Variants in BRCA2 observed in about 807,000 individuals in gnomAD.
The protein encoded by BRCA2 is breast cancer type 2 susceptibility protein.
A neutral mutation model predicts 276.7 loss-of-function variants in BRCA2; 203 were observed. The observed-to-expected ratio is 0.73, with a 90% CI of 0.65 to 0.82. BRCA2 has a LOEUF of 0.82. Among genes scored for constraint, BRCA2 ranks in the 40% least tolerant of loss-of-function variants. The pLI, the probability that BRCA2 is intolerant of heterozygous loss-of-function variation, is 0.00. For synonymous variants in BRCA2, 1,289 were observed against 1,338.4 expected (o/e 0.96, Z 0.81); for missense variants, 3,920 against 3,915.0 (o/e 1.00, Z -0.03).
chr13:32,329,379 G>T lies in BRCA2; in HGVS notation c.632-64G>T. 2.5e-6 allele frequency: 3 copies of T among 1,198,104 alleles called. No individual in the cohort carries two copies. The South Asian group carries it at 4.0e-5, about 16-fold the overall frequency. The allele number at this position is 1,198,104 out of a possible 1,614,324, so 74.2% of individuals were successfully genotyped here. A position where few individuals can be genotyped will look rare whatever the true frequency, so the allele number is the denominator to read the frequency against. ...ATAGTAGATGTGCTTTTTGATGTCT[G>T]ACAAAAAATAAGTTTTTGCATTCTA... On this transcript the variant is annotated intron_variant, in intron 7 of 26. Transcript: ENST00000380152.
At chr13:32,335,998 C>T (rs2072445051) in intron 10 of BRCA2, among the ~76,000 whole-genome samples, 2 of 152,222 alleles carry the variant, frequency 1.3e-5, no homozygotes, top group South Asian at 2.1e-4. Context: ...CCTTGCACCT[C>T]ACCCTCCTGA....
chr13:32,337,250 G>C lies in BRCA2; in HGVS notation c.2895G>C (p.Met965Ile), dbSNP rs1555282929. The change falls in exon 11 of 27, where the codon ATG becomes ATC. Residue 965 changes from methionine to isoleucine, a missense_variant. Transcript: ENST00000380152. Reference protein sequence around the residue: ...NKNSVKQHIKMTLGQDLKSDI... With the variant: ...NKNSVKQHIKITLGQDLKSDI... ...ATAGTGTAAAGCAGCATATAAAAAT[G>C]ACTCTAGGTCAAGATTTAAAATCGG... 1 of 1,611,688 alleles carries C rather than the reference G, an allele frequency of 6.2e-7. No homozygotes were observed. Among genetic ancestry groups the C allele is most frequent in the South Asian group, 1.1e-5 (1 of 90,450 alleles).
At chr13:32,334,126 G>A (rs1438227054) in intron 10 of BRCA2, among the ~76,000 whole-genome samples, 1 of 152,106 alleles carries the variant, frequency 6.6e-6, no homozygotes, top group Non-Finnish European at 1.5e-5. Context: ...CTTCCTTTGG[G>A]TATATACCCC....
chr13:32,372,561 G>T (rs903219189), intron 20 of BRCA2, among the ~76,000 whole-genome samples: 6 of 152,068 alleles, frequency 3.9e-5, no homozygotes. Flanking sequence ...ACTAGCACAA[G>T]AATAGCATGG....
chr13:32,348,078 G>T (rs1461152771), intron 13 of BRCA2, among the ~76,000 whole-genome samples: 1 of 151,906 alleles, frequency 6.6e-6, no homozygotes, highest in South Asian at 2.1e-4. Context: ...AGAACAAGTT[G>T]CTATAAAAAG....
chr13:32,370,762 T>G (rs1298536304), intron 19 of BRCA2, among the ~76,000 whole-genome samples, 194 bp from the exon 20 acceptor site: 2 of 152,058 alleles, frequency 1.3e-5, no homozygotes, highest in Non-Finnish European at 2.9e-5. Flanking sequence ...CCTGGCTAAT[T>G]TTGTATTTTT....
chr13:32,397,404 A>G (rs1476456532), intron 26 of BRCA2, among the ~76,000 whole-genome samples: 4 of 152,220 alleles, frequency 2.6e-5, no homozygotes, highest in Admixed American at 1.3e-4. Flanking sequence ...AGTCTTTAAC[A>G]TTGGCTAATG....
At position 32,339,261 on chromosome 13, in the gene BRCA2, A is replaced by G. The variant is rs398122788; in HGVS notation, c.4906A>G (p.Lys1636Glu). The G allele has an allele frequency of 3.1e-6, 5 of 1,612,200 alleles. No individual in the cohort carries two copies. The Admixed American group carries it at 8.4e-5, about 27-fold the overall frequency. The change falls in exon 11 of 27, where the codon AAA becomes GAA. Residue 1636 changes from lysine to glutamate, a missense_variant. Physicochemically the swap from Lys to Glu is moderately conservative, Grantham distance 56 (BLOSUM62 1). Around this residue, in one of 2 missense-constraint regions of BRCA2, gnomAD observed 3,263 missense variants for 3,156.9 expected, o/e 1.03. Transcript: ENST00000380152. Reference sequence around the variant, plus strand: ...CAAAACATCAAAAAGTATCTTTTTGAAAGTTAAAGTACATGAAAATGTAGA... The same window carrying G: ...CAAAACATCAAAAAGTATCTTTTTGGAAGTTAAAGTACATGAAAATGTAGA... Reference protein sequence around the residue: ...NLKTSKSIFLKVKVHENVEKE... With the variant: ...NLKTSKSIFLEVKVHENVEKE...
rs80358867 is a variant in BRCA2 at position 32,340,648 on chromosome 13, C to T, written c.6293C>T (p.Ser2098Phe). The T allele has an allele frequency of 2.1e-5, 33 of 1,607,276 alleles. No homozygotes were observed. The highest frequency in any genetic ancestry group is 8.1e-5 in the African/African-American group (6 of 74,322). ...CATAGTCTTCACTATTCACCTACGT[C>T]TAGACAAAATGTATCAAAAATACTT... The part of the protein sequence containing the change: ...TEHSLHYSPT[S>F]RQNVSKILPR... Residue 2098 changes from serine to phenylalanine, a missense_variant, in exon 11 of 27, where the codon TCT becomes TTT. Transcript: ENST00000380152.
In BRCA2 at chr13:32,344,666, T is replaced by G. The variant is rs587780868; in HGVS notation, c.6937+13T>G. ...AGCACTCCAGATGGTAAAATTAGCTTTTTATTTATATCTGTTCTCCCTCTA... is the reference window on the plus strand; with the variant it reads ...AGCACTCCAGATGGTAAAATTAGCTGTTTATTTATATCTGTTCTCCCTCTA... On this transcript the variant is annotated intron_variant, in intron 12 of 26. Coordinates refer to ENST00000380152, the MANE Select transcript of BRCA2 (RefSeq NM_000059.4). 2 of 1,510,504 alleles carry G rather than the reference T, an allele frequency of 1.3e-6. No homozygotes were observed. Among genetic ancestry groups the G allele is most frequent in the African/African-American group, 2.8e-5 (2 of 72,676 alleles). 93.6% of individuals were successfully genotyped at this position (1,510,504 alleles called of 1,614,324 possible).
At chr13:32,330,520 A>G (rs1256299261) in intron 8 of BRCA2, among the ~76,000 whole-genome samples, 1 of 152,210 alleles carries the variant, frequency 6.6e-6, no homozygotes, top group African/African-American at 2.4e-5. Context: ...GAACACAAGC[A>G]CTGTGGTACC....
rs1060502467 is a variant in BRCA2, at chr13:32,398,267, T to A, written c.9754T>A (p.Ser3252Thr). ...TGTCTCAGCCCAGATGACTTCAAAG[T>A]CTTGTAAAGGGGAGAAAGAGATTGA... ...TPVSAQMTSK[S>T]CKGEKEIDDQ... The change falls in exon 27 of 27, where the codon TCT becomes ACT. Residue 3252 changes from serine to threonine, a missense_variant. Around this residue, in one of 2 missense-constraint regions of BRCA2, gnomAD observed 657 missense variants for 758.2 expected, o/e 0.87. Coordinates refer to ENST00000380152, the MANE Select transcript of BRCA2 (RefSeq NM_000059.4). The A allele has an allele frequency of 6.2e-7, 1 of 1,614,018 alleles. No homozygotes were observed.
rs56331088 is a variant in BRCA2, at chr13:32,336,845, C to G, written c.2490C>G (p.Asn830Lys). Residue 830 changes from asparagine (N) to lysine (K), a missense_variant, in exon 11 of 27, where the codon AAC becomes AAG. Physicochemically the swap from Asn to Lys is moderately conservative, Grantham distance 94. This residue lies in a region of BRCA2 where 3,263 missense variants were observed against 3,156.9 expected (regional missense o/e 1.03). Coordinates refer to ENST00000380152, the MANE Select transcript of BRCA2 (RefSeq NM_000059.4). The stretch of plus-strand genomic sequence containing the variant: ...GTGCTTTAAATGAAAATTATAAAAA[C>G]GTTGAGCTGTTGCCACCTGAAAAAT... ...DVCALNENYKNVELLPPEKYM... is the reference protein window; with the variant it reads ...DVCALNENYKKVELLPPEKYM... 2 of 1,605,130 alleles carry G rather than the reference C, an allele frequency of 1.2e-6. No individual in the cohort carries two copies. Among genetic ancestry groups the G allele is most frequent in the African/African-American group, 2.7e-5 (2 of 74,198 alleles).
In BRCA2 at chr13:32,394,809, A is replaced by G. The variant is rs397507426; in HGVS notation, c.9377A>G (p.Gln3126Arg). ...PHMLIAASNL[Q>R]WRPESKSGLL... ...ATGTTAATTGCTGCAAGCAACCTCC[A>G]GTGGCGACCAGAATCCAAATCAGGC... Residue 3126 changes from glutamine to arginine, a missense_variant, in exon 25 of 27, where the codon CAG becomes CGG. Gln to Arg is a conservative substitution (Grantham distance 43). This residue lies in a region of BRCA2 where 657 missense variants were observed against 758.2 expected (regional missense o/e 0.87). Coordinates refer to ENST00000380152, the MANE Select transcript of BRCA2 (RefSeq NM_000059.4). The G allele has an allele frequency of 2.5e-6, 4 of 1,614,144 alleles. No individual in the cohort carries two copies. The highest frequency in any genetic ancestry group is 3.4e-6 in the Non-Finnish European group (4 of 1,179,996).
At position 32,340,276 on chromosome 13, in the gene BRCA2, C is replaced by T. The variant is rs55730620; in HGVS notation, c.5921C>T (p.Thr1974Ile). Reference protein sequence around the residue: ...KLHKSVSSANTCGIFSTASGK... With the variant: ...KLHKSVSSANICGIFSTASGK... ...CATAAGTCAGTCTCATCTGCAAATA[C>T]TTGTGGGATTTTTAGCACAGCAAGT... The change falls in exon 11 of 27, where the codon ACT becomes ATT. Residue 1974 changes from threonine to isoleucine, a missense_variant. This residue lies in a region of BRCA2 where 3,263 missense variants were observed against 3,156.9 expected (regional missense o/e 1.03). Coordinates refer to ENST00000380152, the MANE Select transcript of BRCA2 (RefSeq NM_000059.4). 3.1e-6 allele frequency: 5 copies of T among 1,613,854 alleles called. No homozygotes were observed. The African/African-American group carries it at 5.3e-5, about 17-fold the overall frequency.
chr13:32,320,888 C>T (rs1445979598), intron 3 of BRCA2, among the ~76,000 whole-genome samples: 3 of 152,120 alleles, frequency 2.0e-5, no homozygotes, highest in African/African-American at 7.2e-5. Context: ...CTAGACTGCT[C>T]ATTGAAAGGA....
intron 24 of BRCA2, among the ~76,000 whole-genome samples, chr13:32,393,153 TCTC>T (rs1375498926): frequency 6.6e-6 from 1 of 152,230 alleles, no homozygotes; most frequent in Non-Finnish European, 1.5e-5. Context: ...CTGCTGGGTT[TCTC>T]CTCTGTACAA....
In BRCA2 at chr13:32,336,265, GT is replaced by G. The variant is rs2137481744; in HGVS notation, c.1913del (p.Leu638TyrfsTer6). On this transcript the variant is annotated frameshift_variant and splice_region_variant, in exon 11 of 27. Coordinates refer to ENST00000380152, the MANE Select transcript of BRCA2 (RefSeq NM_000059.4). LOFTEE classifies it high-confidence loss of function. ...TGTCACTTTGTGTTTTTATGTTTAG[GT>G]TTATTGCATTCTTCTGTGAAAAGAA... ...APLTFANADSGLLHSSVKRSC... is the reference protein window; with the variant it reads ...APLTFANADSXLLHSSVKRSC... 6.2e-7 allele frequency: 1 copy of G among 1,601,210 alleles called. No individual in the cohort carries two copies. Among genetic ancestry groups the G allele is most frequent in the Non-Finnish European group, 8.5e-7 (1 of 1,175,846 alleles).
intron 4 of BRCA2, among the ~76,000 whole-genome samples, chr13:32,325,618 G>C (rs1315032516): frequency 1.3e-5 from 2 of 148,672 alleles, no homozygotes; most frequent in Non-Finnish European, 3.0e-5. Context: ...TCAGCTCACT[G>C]CAAGCTCCGC....
Sources: allele counts gnomAD v4.1 joint callset (sites outside exome capture counted in the v4.1 genomes callset), GRCh38; gene constraint gnomAD v4.1.1; regional missense constraint gnomAD v4.1.1; transcripts MANE v1.5; gene names NCBI Gene and HGNC (gene_info 2026-07-23, HGNC 2026-07-21).